Variants in TCF4 observed in about 807,000 individuals in gnomAD.
The protein encoded by TCF4 is transcription factor 4.
A neutral mutation model predicts 82.1 loss-of-function variants in TCF4; 3 were observed. The ratio of observed to expected loss-of-function variants is 0.04; its 90% confidence interval spans 0.02 to 0.09. TCF4 has a LOEUF of 0.09. Ranked by LOEUF, TCF4 falls within the 10% of genes least tolerant of loss-of-function variation. The probability of loss-of-function intolerance (pLI) is 1.00; values close to 1 mark genes in which losing one functional copy is unlikely to be tolerated. For missense variants in TCF4, 518 were observed against 852.7 expected (o/e 0.61, Z 4.89); for synonymous variants, 276 against 309.6 (o/e 0.89, Z 1.14).
chr18:55,465,568 C>T (rs554701975), intron 3 of TCF4, among the ~76,000 whole-genome samples: 56 of 134,232 alleles, frequency 4.2e-4, no homozygotes, highest in African/African-American at 1.7e-3. Flanking sequence ...GGGACTGCAC[C>T]AAGCCTAGAG....
Position 55,634,146 on chromosome 18 carries a change from G to A in TCF4, c.195+1557C>T, listed in dbSNP as rs566644096. The stretch of plus-strand genomic sequence containing the variant: ...TAGCCACGCGTGGTGGCAGGGGCCT[G>A]TAATCCCAGCTACATGGGAGGCTGA... On this transcript the variant is annotated intron_variant, in intron 1 of 20. Transcript: ENST00000398339. 2.6e-5 allele frequency among the ~76,000 whole-genome samples: 4 copies of A among 152,246 alleles called. No individual in the cohort carries two copies. In the East Asian group the frequency reaches 7.7e-4, roughly 29 times the overall value.
intron 3 of TCF4, among the ~76,000 whole-genome samples, chr18:55,470,713 A>G (rs1241123513): frequency 6.6e-6 from 1 of 152,182 alleles, no homozygotes; most frequent in East Asian, 1.9e-4. Context: ...AGGACCCTAG[A>G]GTTTTATGAA....
intron 2 of TCF4, among the ~76,000 whole-genome samples, chr18:55,622,284 A>G (rs1354543969): frequency 1.3e-5 from 2 of 150,872 alleles, no homozygotes; most frequent in African/African-American, 2.4e-5. Flanking sequence ...CAAGGTGGGC[A>G]GATCACGAGG....
intron 8 of TCF4, among the ~76,000 whole-genome samples, chr18:55,282,120 T>A (rs998179503): frequency 1.6e-4 from 25 of 152,016 alleles, no homozygotes; most frequent in African/African-American, 5.8e-4. Flanking sequence ...TCCATTTAGA[T>A]ACTTTATCAT....
intron 8 of TCF4, chr18:55,321,444 G>A: frequency 1.5e-6 from 1 of 656,820 alleles, no homozygotes; most frequent in South Asian, 1.9e-5. Context: ...AGCTCTGAAA[G>A]CATCTATTTT....
intron 2 of TCF4, among the ~76,000 whole-genome samples, chr18:55,610,765 G>A (rs1402873272): frequency 1.3e-5 from 2 of 152,186 alleles, no homozygotes; most frequent in Non-Finnish European, 2.9e-5. Context: ...CAATTTAACC[G>A]CAAAACTTGG....
At chr18:55,570,434 C>T (rs1318462706) in intron 3 of TCF4, among the ~76,000 whole-genome samples, 1 of 151,764 alleles carries the variant, frequency 6.6e-6, no homozygotes, top group Non-Finnish European at 1.5e-5. Flanking sequence ...AATTATCATC[C>T]AAAAATATAT....
chr18:55,588,321 GT>G (rs1404870529), upstream of TCF4: 4 of 1,475,210 alleles, frequency 2.7e-6, no homozygotes, highest in East Asian at 9.9e-5. Flanking sequence ...AAAGAAATGG[GT>G]GGGGGGGCTC....
intron 3 of TCF4, among the ~76,000 whole-genome samples, chr18:55,497,918 C>G (rs1415310089): frequency 6.6e-6 from 1 of 152,172 alleles, no homozygotes; most frequent in East Asian, 1.9e-4. Flanking sequence ...ATCAGTGCTA[C>G]TACAATGAAC....
intron 16 of TCF4, among the ~76,000 whole-genome samples, chr18:55,233,009 T>C (rs775184606): frequency 3.3e-5 from 5 of 152,222 alleles, no homozygotes; most frequent in African/African-American, 1.2e-4. Context: ...AGCTATTATA[T>C]TGAGTTTCTT....
intron 4 of TCF4, among the ~76,000 whole-genome samples, chr18:55,463,573 A>G (rs959827036): frequency 6.6e-6 from 1 of 152,180 alleles, no homozygotes; most frequent in Non-Finnish European, 1.5e-5. Context: ...GAATGATAAC[A>G]TGTCTACATA....
At chr18:55,263,293 T>C (rs1382438566) in intron 11 of TCF4, among the ~76,000 whole-genome samples, 1 of 152,118 alleles carries the variant, frequency 6.6e-6, no homozygotes, top group African/African-American at 2.4e-5. Context: ...ATGATAGGTA[T>C]TGTATAAGCA....
chr18:55,634,128 G>A (rs78294462), intron 1 of TCF4, among the ~76,000 whole-genome samples: 4,635 of 152,080 alleles, frequency 0.03, 99 homozygotes, highest in African/African-American at 0.037. Context: ...AATTAGCCAC[G>A]CGTGGTGGCA....
intron 5 of TCF4, among the ~76,000 whole-genome samples, chr18:55,432,203 T>G (rs1400547459): frequency 6.6e-6 from 1 of 152,150 alleles, no homozygotes; most frequent in Non-Finnish European, 1.5e-5. Flanking sequence ...CTTGGGTGGC[T>G]GAGGCAGCAG....
Position 55,290,699 on chromosome 18 carries a change from A to G in TCF4, c.550-11043T>C, listed in dbSNP as rs1218628239. Among the ~76,000 whole-genome samples, 3 of 152,144 alleles carry G rather than the reference A, an allele frequency of 2.0e-5. 1 individual carries two copies. The highest frequency in any genetic ancestry group is 4.4e-5 in the Non-Finnish European group (3 of 68,010). ...ACCTAATAAGCACAGACAGCCAAAA[A>G]GCCATCATTCCTAAGTACCTATTCC... On this transcript the variant is annotated intron_variant, in intron 8 of 19. Transcript: ENST00000354452.
chr18:55,394,333 A>G (rs1278188761), intron 6 of TCF4, among the ~76,000 whole-genome samples: 1 of 152,226 alleles, frequency 6.6e-6, no homozygotes, highest in Non-Finnish European at 1.5e-5. Context: ...ATACTCCTAC[A>G]TAATTATTCC....
intron 5 of TCF4, among the ~76,000 whole-genome samples, chr18:55,434,763 C>CATGTGTGTGT (rs745460290): frequency 7.6e-6 from 1 of 131,722 alleles, no homozygotes; most frequent in East Asian, 2.3e-4. Context: ...CTCAAGTATT[C>CATGTGTGTGT]GTGTGTGTGT....
intron 5 of TCF4, among the ~76,000 whole-genome samples, chr18:55,449,663 C>T (rs1367360757): frequency 2.0e-5 from 3 of 152,164 alleles, no homozygotes; most frequent in East Asian, 1.9e-4. Flanking sequence ...CTAGTAATTT[C>T]GAGACTCAGA....
At chr18:55,330,847 G>A (rs368257642) in intron 8 of TCF4, among the ~76,000 whole-genome samples, 1 of 152,168 alleles carries the variant, frequency 6.6e-6, no homozygotes, top group African/African-American at 2.4e-5. Flanking sequence ...AATTACAGAC[G>A]TGAGCAACTG....
Sources: allele counts gnomAD v4.1 joint callset (sites outside exome capture counted in the v4.1 genomes callset), GRCh38; gene constraint gnomAD v4.1.1; transcripts MANE v1.5; gene names NCBI Gene and HGNC (gene_info 2026-07-23, HGNC 2026-07-21).